Variants in NPNT observed in about 807,000 individuals in gnomAD.
NPNT encodes the protein preosteoblast EGF-like repeat protein with MAM domain.
Under a neutral mutation model 68.6 loss-of-function variants are expected in NPNT, and 45 were observed. The ratio of observed to expected loss-of-function variants is 0.66; its 90% CI spans 0.52 to 0.84. The LOEUF (loss-of-function observed/expected upper bound fraction) is 0.84, where lower values mean the gene tolerates loss of function less well. Ranked by LOEUF, NPNT falls within the 40% of genes least tolerant of loss-of-function variation. NPNT has a pLI of 0.00. For synonymous variants in NPNT, 233 were observed against 253.3 expected, an observed-to-expected ratio of 0.92 and a Z score of 0.76; for missense variants, 672 against 714.8, an observed-to-expected ratio of 0.94 and a Z score of 0.68.
chr4:105,897,495 A>G (rs1170393904), intron 1 of NPNT, among the ~76,000 whole-genome samples: 3 of 152,154 alleles, frequency 2.0e-5, no homozygotes, highest in African/African-American at 4.8e-5. Context: ...AATACTTTTC[A>G]GTTTATGGTG....
intron 10 of NPNT, among the ~76,000 whole-genome samples, chr4:105,963,222 C>CA (rs916702146): frequency 1.1e-4 from 17 of 149,814 alleles, no homozygotes; most frequent in African/African-American, 2.2e-4. Flanking sequence ...AAGACTCCGT[C>CA]AAAAAAAAAT....
At chr4:105,955,614 A>G (rs1441637566) in intron 8 of NPNT, among the ~76,000 whole-genome samples, 1 of 152,182 alleles carries the variant, frequency 6.6e-6, no homozygotes, top group Non-Finnish European at 1.5e-5. Context: ...CAAATGAAAA[A>G]AAAAATTTCA....
chr4:105,902,487 A>G (rs1726501169), intron 2 of NPNT, among the ~76,000 whole-genome samples: 1 of 152,224 alleles, frequency 6.6e-6, no homozygotes, highest in African/African-American at 2.4e-5. Flanking sequence ...GGAGCGGAGT[A>G]CACTTCATTG....
At position 105,953,410 on chromosome 4, in the gene NPNT, G is replaced by C. The variant is rs115345583; in HGVS notation, c.1160-5061G>C. On this transcript the variant is annotated intron_variant, in intron 8 of 11. Transcript: ENST00000379987. Reference sequence around the variant, plus strand: ...ATTCTTCCTATGGGATGAAAGCTTTGACAAACAAGGTCTTATTTCTGTGAG... The same window carrying C: ...ATTCTTCCTATGGGATGAAAGCTTTCACAAACAAGGTCTTATTTCTGTGAG... 5.6e-3 allele frequency among the ~76,000 whole-genome samples: 849 copies of C among 152,272 alleles called. 9 individuals are homozygous for C. Among genetic ancestry groups the C allele is most frequent in the African/African-American group, 0.02 (815 of 41,558 alleles).
At chr4:105,963,722 A>G (rs138165661) in intron 10 of NPNT, among the ~76,000 whole-genome samples, 159 of 151,132 alleles carry the variant, frequency 1.1e-3, no homozygotes, top group Non-Finnish European at 1.8e-3. Flanking sequence ...TCTGTCTGCC[A>G]CTGATAGCTA....
chr4:105,958,564 C>G lies in NPNT; in HGVS notation c.1246+7C>G. 3 of 1,470,272 alleles carry G rather than the reference C, an allele frequency of 2.0e-6. No homozygotes were observed. The highest frequency in any genetic ancestry group is 2.8e-6 in the Non-Finnish European group (3 of 1,053,194). The allele number at this position is 1,470,272 out of a possible 1,614,324, so 91.1% of individuals were successfully genotyped here. A position where few individuals can be genotyped will look rare whatever the true frequency, so the allele number is the denominator to read the frequency against. On this transcript the variant is annotated splice_region_variant and intron_variant, in intron 9 of 11. Coordinates refer to ENST00000379987, the MANE Select transcript of NPNT (RefSeq NM_001033047.3). ...GAAGCAAAGGATGATCCAGGTGACA[C>G]TTACACTCTTAGTGCCATCATAATG...
chr4:105,948,112 T>A (rs1169733255), intron 8 of NPNT, among the ~76,000 whole-genome samples: 1 of 152,220 alleles, frequency 6.6e-6, no homozygotes, highest in Non-Finnish European at 1.5e-5. Context: ...TAATTCAGAT[T>A]ATGGTTTTTT....
intron 2 of NPNT, chr4:105,927,069 A>T (rs1728737742): frequency 4.3e-6 from 1 of 230,814 alleles, no homozygotes; most frequent in Non-Finnish European, 8.5e-6. Context: ...GCATAGTTTT[A>T]CCTAGTTTTA....
At chr4:105,956,001 TA>T (rs1449779256) in intron 8 of NPNT, among the ~76,000 whole-genome samples, 3 of 152,160 alleles carry the variant, frequency 2.0e-5, no homozygotes, top group Non-Finnish European at 1.5e-5. Flanking sequence ...CAGTGGATTG[TA>T]ATGAAGGTAT....
At position 105,967,205 on chromosome 4, in the gene NPNT, G is replaced by A. The variant is rs1396134667; in HGVS notation, c.1363G>A (p.Val455Met). The A allele has an allele frequency of 1.2e-6, 2 of 1,613,760 alleles. No homozygotes were observed. Among genetic ancestry groups the A allele is most frequent in the Non-Finnish European group, 8.5e-7 (1 of 1,179,996 alleles). The change falls in exon 11 of 12, where the codon GTG (valine) becomes ATG (methionine). Residue 455 changes from valine (V) to methionine (M), a missense_variant. Coordinates refer to ENST00000379987, the MANE Select transcript of NPNT (RefSeq NM_001033047.3). ...CATTCCAGGTGGACAATATCTGACA[G>A]TGTCGGCAGCCAAAGCCCCAGGGGG... ...RDPAGGQYLTVSAAKAPGGKA... is the reference protein window; with the variant it reads ...RDPAGGQYLTMSAAKAPGGKA...
intron 8 of NPNT, among the ~76,000 whole-genome samples, chr4:105,950,887 T>C (rs1730778435): frequency 6.6e-6 from 1 of 152,040 alleles, no homozygotes; most frequent in Non-Finnish European, 1.5e-5. Context: ...CCACCGAAAG[T>C]GCTGCGATTA....
intron 3 of NPNT, among the ~76,000 whole-genome samples, chr4:105,936,794 G>T (rs1412967777): frequency 6.6e-6 from 1 of 152,196 alleles, no homozygotes; most frequent in East Asian, 1.9e-4. Context: ...TATAAACAGA[G>T]ATCCATAAAG....
intron 10 of NPNT, among the ~76,000 whole-genome samples, chr4:105,960,485 C>T (rs545992027): frequency 2.9e-4 from 44 of 152,030 alleles, no homozygotes; most frequent in Non-Finnish European, 5.7e-4. Flanking sequence ...AAAATTAGTC[C>T]AAAAATATAT....
intron 10 of NPNT, among the ~76,000 whole-genome samples, chr4:105,966,017 G>GAGA (rs10633767): frequency 0.61 from 92,637 of 151,664 alleles, 28,692 homozygotes; most frequent in East Asian, 0.78. Context: ...GGACTTGTTA[G>GAGA]AGAAGACACT....
chr4:105,912,870 TTTTG>T (rs532711035), intron 2 of NPNT, among the ~76,000 whole-genome samples: 15 of 152,268 alleles, frequency 9.9e-5, no homozygotes, highest in African/African-American at 2.9e-4. Context: ...ACAATGTTCT[TTTTG>T]TTTGTTTGTT....
chr4:105,920,006 T>C (rs1728124744), intron 2 of NPNT, among the ~76,000 whole-genome samples: 2 of 152,080 alleles, frequency 1.3e-5, no homozygotes, highest in African/African-American at 4.8e-5. Context: ...TAAAGTTCTG[T>C]TTTTCAAATT....
chr4:105,915,101 G>C (rs774426265), intron 2 of NPNT, among the ~76,000 whole-genome samples: 52 of 152,116 alleles, frequency 3.4e-4, no homozygotes, highest in Non-Finnish European at 5.4e-4. Flanking sequence ...CAGGAGACAC[G>C]GATATAAGGG....
chr4:105,897,886 C>CT lies in NPNT; in HGVS notation c.72-6dup, dbSNP rs201634173. 4.9e-4 allele frequency: 758 copies of CT among 1,540,492 alleles called. 1 individual carries two copies. The highest frequency in any genetic ancestry group is 2.1e-3 in the African/African-American group (154 of 73,416). On this transcript the variant is annotated splice_polypyrimidine_tract_variant and intron_variant, in intron 1 of 11. Coordinates refer to ENST00000379987, the MANE Select transcript of NPNT (RefSeq NM_001033047.3). Reference sequence around the variant, plus strand: ...AAAAGTGTCCTTATTTATTTTGAATCTTTTTTTTTGGTAGGTGGCCCAGGC... The same window carrying CT: ...AAAAGTGTCCTTATTTATTTTGAATCTTTTTTTTTTGGTAGGTGGCCCAGGC...
intron 2 of NPNT, among the ~76,000 whole-genome samples, chr4:105,903,804 AGATAGGGTCTTGCTCT>A (rs1333374209): frequency 9.6e-6 from 1 of 104,438 alleles, no homozygotes; most frequent in Non-Finnish European, 1.8e-5. Context: ...TTTTTTTTTG[AGATAGGGTCTTGCTCT>A]GTCGCCCAGG....
Sources: allele counts gnomAD v4.1 joint callset (sites outside exome capture counted in the v4.1 genomes callset), GRCh38; gene constraint gnomAD v4.1.1; transcripts MANE v1.5; gene names NCBI Gene and HGNC (gene_info 2026-07-23, HGNC 2026-07-21).